Variants in ASB13 observed in about 807,000 individuals in gnomAD.
ASB13 encodes ankyrin repeat and SOCS box containing 13, also known as ankyrin repeat and SOCS box protein 13.
A neutral mutation model predicts 28.8 loss-of-function variants in ASB13; 33 were observed. The ratio of observed to expected loss-of-function variants is 1.15; its 90% confidence interval spans 0.87 to 1.53. ASB13 has a LOEUF of 1.53. Among genes scored for constraint, ASB13 ranks in the 40% most tolerant of loss-of-function variants. ASB13 has a pLI of 0.00. For synonymous variants in ASB13, 182 were observed against 172.9 expected (o/e 1.05, Z -0.41); for missense variants, 414 against 390.1 (o/e 1.06, Z -0.52).
chr10:5,650,715 C>G lies in ASB13; in HGVS notation c.382+498G>C, dbSNP rs1834970602. Among the ~76,000 whole-genome samples, 1 of 152,216 alleles carries G rather than the reference C, an allele frequency of 6.6e-6. No homozygotes were observed. Among genetic ancestry groups the G allele is most frequent in the African/African-American group, 2.4e-5 (1 of 41,458 alleles). On this transcript the variant is annotated intron_variant, in intron 3 of 5. Coordinates refer to ENST00000357700, the MANE Select transcript of ASB13 (RefSeq NM_024701.4). This position sits in a 1 kb window ranked among gnomAD's most constrained non-coding sequence, Gnocchi z 6.0. ...GAATGTTCCCCATGCTCGGGGTGCC[C>G]TTTTATCTTCCCAGCATCTGCAGTC... is the stretch of plus-strand genomic sequence containing the variant.
rs1307191755 is a variant in ASB13, at chr10:5,639,515, G to A, written c.*1188C>T. ...AGTTTAACTCCCTGTTGTGGGCGGG[G>A]TTCTTAAAATTTATGAAGGCAAAGA... On this transcript the variant is annotated 3_prime_UTR_variant, in exon 6 of 6. Coordinates refer to ENST00000357700, the MANE Select transcript of ASB13 (RefSeq NM_024701.4). 6.6e-6 allele frequency: 1 copy of A among 152,176 alleles called. No homozygotes were observed. The highest frequency in any genetic ancestry group is 1.5e-5 in the Non-Finnish European group (1 of 68,066). The allele number at this position is 152,176 out of a possible 1,614,324, so 9.4% of individuals were successfully genotyped here. A position where few individuals can be genotyped will look rare whatever the true frequency, so the allele number is the denominator to read the frequency against.
Position 5,640,262 on chromosome 10 carries a change from C to T in ASB13, c.*441G>A, listed in dbSNP as rs191507061. The T allele has an allele frequency of 1.8e-4, 28 of 159,186 alleles. No homozygotes were observed. The East Asian group carries it at 5.2e-3, about 30-fold the overall frequency. The allele number at this position is 159,186 out of a possible 1,614,324, so 9.9% of individuals were successfully genotyped here. A position where few individuals can be genotyped will look rare whatever the true frequency, so the allele number is the denominator to read the frequency against. On this transcript the variant is annotated 3_prime_UTR_variant, in exon 6 of 6. Transcript: ENST00000357700. ...ACCGAGGGCAGTCCTGGTGCCGACC[C>T]GGAGGTGGTGGCCTGCACCTGGGGC...
rs1337732342 is a variant in ASB13 at position 5,645,394 on chromosome 10, G to A, written c.518-3433C>T. On this transcript the variant is annotated intron_variant, in intron 4 of 5. Transcript: ENST00000357700. The surrounding 1 kb of genome is among the most constrained non-coding windows in gnomAD (Gnocchi z 5.4). Reference sequence around the variant, plus strand: ...AGGGAGCCGCTTCCGAACACTCCTGGCAGAGTTCAACATTCACTGTCAGTG... The same window carrying A: ...AGGGAGCCGCTTCCGAACACTCCTGACAGAGTTCAACATTCACTGTCAGTG... 6.6e-6 allele frequency among the ~76,000 whole-genome samples: 1 copy of A among 152,142 alleles called. No homozygotes were observed. The highest frequency in any genetic ancestry group is 2.4e-5 in the African/African-American group (1 of 41,410).
At position 5,644,988 on chromosome 10, in the gene ASB13, G is replaced by A. The variant is rs1375506285; in HGVS notation, c.518-3027C>T. 1.3e-5 allele frequency among the ~76,000 whole-genome samples: 2 copies of A among 152,046 alleles called. No individual in the cohort carries two copies. Among genetic ancestry groups the A allele is most frequent in the African/African-American group, 4.8e-5 (2 of 41,372 alleles). The stretch of plus-strand genomic sequence containing the variant: ...AGACAGAGACACAGAGACAGAGAGA[G>A]ACAAAGACAGGGAGCCAGGAAACAA... On this transcript the variant is annotated intron_variant, in intron 4 of 5. Transcript: ENST00000357700. The surrounding 1 kb of genome is among the most constrained non-coding windows in gnomAD (Gnocchi z 5.1).
intron 1 of ASB13, among the ~76,000 whole-genome samples, chr10:5,657,417 TA>T (rs148936432): frequency 1.5e-4 from 22 of 143,360 alleles, no homozygotes; most frequent in African/African-American, 3.3e-4. Flanking sequence ...GCCACAAACA[TA>T]AAAAAAAAAG....
At chr10:5,654,356 C>G (rs3750641) in intron 1 of ASB13, among the ~76,000 whole-genome samples, 18,311 of 151,960 alleles carry the variant, frequency 0.12, 1,652 homozygotes, top group Admixed American at 0.28. Context: ...CCTGCTGAGC[C>G]ATCTGGCTAC....
chr10:5,651,119 G>A lies in ASB13; in HGVS notation c.382+94C>T. 6.9e-7 allele frequency: 1 copy of A among 1,453,300 alleles called. No individual in the cohort carries two copies. Among genetic ancestry groups the A allele is most frequent in the Non-Finnish European group, 9.2e-7 (1 of 1,085,978 alleles). The allele number at this position is 1,453,300 out of a possible 1,614,324, so 90.0% of individuals were successfully genotyped here. Reference sequence around the variant, plus strand: ...TCACCAGCCAAGGGCTCCCAATTCTGTCTACTCTGCTTCCTTCCCTAAGTC... The same window carrying A: ...TCACCAGCCAAGGGCTCCCAATTCTATCTACTCTGCTTCCTTCCCTAAGTC... On this transcript the variant is annotated intron_variant, in intron 3 of 5. Transcript: ENST00000357700. The surrounding 1 kb of genome is among the most constrained non-coding windows in gnomAD (Gnocchi z 5.1).
intron 5 of ASB13, 84 bp from the exon 6 acceptor site, chr10:5,640,914 T>A: frequency 3.9e-6 from 6 of 1,521,518 alleles, no homozygotes; most frequent in South Asian, 1.2e-5. Context: ...TCAGAGGGAA[T>A]CGGAAACGCC....
chr10:5,666,434 G>A (rs981267139), intron 1 of ASB13, 75 bp downstream of exon 1: 1 of 1,209,596 alleles, frequency 8.3e-7, no homozygotes, highest in Middle Eastern at 3.2e-4. Context: ...CCCCGGCGCA[G>A]GCCATCGGAT....
chr10:5,644,349 C>CG lies in ASB13; in HGVS notation c.518-2389dup, dbSNP rs572078011. The stretch of plus-strand genomic sequence containing the variant: ...GCTCTACAAAAATTTAAAAATTACC[C>CG]GGGGGGCGTGATGGCACACATCTGT... On this transcript the variant is annotated intron_variant, in intron 4 of 5. Coordinates refer to ENST00000357700, the MANE Select transcript of ASB13 (RefSeq NM_024701.4). This position sits in a 1 kb window ranked among gnomAD's most constrained non-coding sequence, Gnocchi z 5.1. Among the ~76,000 whole-genome samples the CG allele has an allele frequency of 2.1e-4, 32 of 152,112 alleles. No individual in the cohort carries two copies. The South Asian group carries it at 5.8e-3, about 28-fold the overall frequency.
chr10:5,663,995 G>T lies in ASB13; in HGVS notation c.43+2514C>A, dbSNP rs1442972157. Among the ~76,000 whole-genome samples, 1 of 152,106 alleles carries T rather than the reference G, an allele frequency of 6.6e-6. No homozygotes were observed. The highest frequency in any genetic ancestry group is 1.5e-5 in the Non-Finnish European group (1 of 68,020). ...ACTCAACTGAGAGTACCTGGATGGG[G>T]AGACATAAATCCATATAAACAAGTA... On this transcript the variant is annotated intron_variant, in intron 1 of 5. Coordinates refer to ENST00000357700, the MANE Select transcript of ASB13 (RefSeq NM_024701.4). The surrounding 1 kb of genome is among the most constrained non-coding windows in gnomAD (Gnocchi z 4.9).
rs1276909180 is a variant in ASB13 at position 5,645,602 on chromosome 10, C to T, written c.517+3368G>A. On this transcript the variant is annotated intron_variant, in intron 4 of 5. Coordinates refer to ENST00000357700, the MANE Select transcript of ASB13 (RefSeq NM_024701.4). The surrounding 1 kb of genome is among the most constrained non-coding windows in gnomAD (Gnocchi z 5.4). ...CTCACAGCTCAGCTCTCAAACCGCACATGAAAGCACCTGCACTCATGTGGG... is the reference window on the plus strand; with the variant it reads ...CTCACAGCTCAGCTCTCAAACCGCATATGAAAGCACCTGCACTCATGTGGG... Among the ~76,000 whole-genome samples the T allele has an allele frequency of 2.6e-5, 4 of 152,318 alleles. No individual in the cohort carries two copies. The East Asian group carries it at 7.7e-4, about 30-fold the overall frequency.
chr10:5,643,778 G>T (rs1481222768), intron 4 of ASB13, among the ~76,000 whole-genome samples: 6 of 152,132 alleles, frequency 3.9e-5, no homozygotes, highest in Non-Finnish European at 5.9e-5. Context: ...ATTAATTCTG[G>T]CAATATTCTT....
chr10:5,652,999 C>T lies in ASB13; in HGVS notation c.95G>A (p.Ser32Asn). 2 of 1,552,674 alleles carry T rather than the reference C, an allele frequency of 1.3e-6. No homozygotes were observed. Among genetic ancestry groups the T allele is most frequent in the Non-Finnish European group, 1.7e-6 (2 of 1,147,676 alleles). ...CTCGATCAGCTGTTGCAGCTGCAGG[C>T]TCTCACCCCGCTGGGCTGCCTCGTG... The part of the protein sequence containing the change: ...PVHEAAQRGE[S>N]LQLQQLIESG... Residue 32 changes from serine to asparagine, a missense_variant, in exon 2 of 6, where the codon AGC becomes AAC. By Grantham distance (46) the Ser-to-Asn change is conservative. Transcript: ENST00000357700. This position sits in a 1 kb window ranked among gnomAD's most constrained non-coding sequence, Gnocchi z 5.0.
In ASB13 at chr10:5,649,048, C is replaced by T. The variant is rs1834941806; in HGVS notation, c.439G>A (p.Asp147Asn). 6.2e-7 allele frequency: 1 copy of T among 1,614,242 alleles called. No homozygotes were observed. Among genetic ancestry groups the T allele is most frequent in the Non-Finnish European group, 8.5e-7 (1 of 1,180,044 alleles). Residue 147 changes from aspartate to asparagine, a missense_variant, in exon 4 of 6, where the codon GAT (aspartate) becomes AAT (asparagine). Asp to Asn is a conservative substitution (Grantham distance 23). Coordinates refer to ENST00000357700, the MANE Select transcript of ASB13 (RefSeq NM_024701.4). This position sits in a 1 kb window ranked among gnomAD's most constrained non-coding sequence, Gnocchi z 6.4. ...IDVGANLEAH[D>N]CHFGTPLHVA... The stretch of plus-strand genomic sequence containing the variant: ...TGCAGAGGGGTCCCAAAATGGCAAT[C>T]GTGCGCTTCCAGATTGGCCCCGACG...
In ASB13 at chr10:5,648,441, GGTAAACACCCACGCA is replaced by G. The variant is rs1451606912; in HGVS notation, c.517+514_517+528del. On this transcript the variant is annotated intron_variant, in intron 4 of 5. Coordinates refer to ENST00000357700, the MANE Select transcript of ASB13 (RefSeq NM_024701.4). ...ACCCACTCAGGCAAACACCCACTCAGGTAAACACCCACGCAGGCAAACACCCACTCAGGTAAACAC... is the reference window on the plus strand; with the variant it reads ...ACCCACTCAGGCAAACACCCACTCAGGGCAAACACCCACTCAGGTAAACAC... Among the ~76,000 whole-genome samples the G allele has an allele frequency of 3.3e-3, 492 of 148,428 alleles. 1 individual carries two copies. Among genetic ancestry groups the G allele is most frequent in the Non-Finnish European group, 4.5e-3 (302 of 66,788 alleles).
chr10:5,641,267 A>G lies in ASB13; in HGVS notation c.710-437T>C, dbSNP rs1331122104. Among the ~76,000 whole-genome samples, 4 of 151,882 alleles carry G rather than the reference A, an allele frequency of 2.6e-5. No individual in the cohort carries two copies. The highest frequency in any genetic ancestry group is 5.9e-5 in the Non-Finnish European group (4 of 67,972). On this transcript the variant is annotated intron_variant, in intron 5 of 5. Coordinates refer to ENST00000357700, the MANE Select transcript of ASB13 (RefSeq NM_024701.4). The surrounding 1 kb of genome is among the most constrained non-coding windows in gnomAD (Gnocchi z 8.4). ...CAGGCACCCACCACCATGCCCGCCT[A>G]ATTTTTATATTTTTAGTAGAGATGG... is the stretch of plus-strand genomic sequence containing the variant.
chr10:5,652,026 C>CACACA lies in ASB13; in HGVS notation c.232-664_232-663insTGTGT, dbSNP rs60821267. On this transcript the variant is annotated intron_variant, in intron 2 of 5. Transcript: ENST00000357700. The surrounding 1 kb of genome is among the most constrained non-coding windows in gnomAD (Gnocchi z 5.0). ...CAAAAAAAAAAAAAAAAAAAAAAAA[C>CACACA]CACACACACACACACACACACACAC... 6.7e-3 allele frequency among the ~76,000 whole-genome samples: 392 copies of CACACA among 58,432 alleles called. No homozygotes were observed. Among genetic ancestry groups the CACACA allele is most frequent in the East Asian group, 0.053 (43 of 818 alleles). 38.3% of individuals were successfully genotyped at this position (58,432 alleles called of 152,430 possible).
At position 5,645,169 on chromosome 10, in the gene ASB13, C is replaced by T. The variant is rs111663339; in HGVS notation, c.518-3208G>A. 9.0e-3 allele frequency among the ~76,000 whole-genome samples: 1,370 copies of T among 151,822 alleles called. 21 individuals carry two copies. Among genetic ancestry groups the T allele is most frequent in the African/African-American group, 0.032 (1,313 of 41,388 alleles). ...CGGGACCGCCTAAGACCTTAGCACG[C>T]CAAGACTGGCACAATCCTGGAACAT... On this transcript the variant is annotated intron_variant, in intron 4 of 5. Transcript: ENST00000357700. The surrounding 1 kb of genome is among the most constrained non-coding windows in gnomAD (Gnocchi z 5.4).
Sources: gnomAD v4.1 joint callset for allele counts (sites outside exome capture counted in the v4.1 genomes callset) on GRCh38, gnomAD v4.1.1 for gene constraint, Gnocchi (gnomAD v3.1) non-coding constraint, MANE v1.5 for transcripts, NCBI Gene and HGNC (gene_info 2026-07-23, HGNC 2026-07-21) for gene names.